The following MCC variants were observed in gnomAD, a reference collection of about 807,000 sequenced individuals.
MCC encodes MCC regulator of Wnt signaling pathway, also known as colorectal mutant cancer protein.
A neutral mutation model predicts 116.2 loss-of-function variants in MCC; 90 were observed. The ratio of observed to expected loss-of-function variants is 0.77; its 90% CI spans 0.65 to 0.92. The LOEUF is 0.92. MCC is among the 40% of genes least tolerant of loss of function. The pLI, the probability that MCC is intolerant of heterozygous loss-of-function variation, is 0.00. For missense variants in MCC, 1,516 were observed against 1,312.2 expected, an observed-to-expected ratio of 1.16 and a Z score of -2.40; for synonymous variants, 578 against 510.5, an observed-to-expected ratio of 1.13 and a Z score of -1.78.
intron 11 of MCC, among the ~76,000 whole-genome samples, chr5:113,071,817 G>A (rs1009799734): frequency 2.0e-5 from 3 of 152,144 alleles, no homozygotes; most frequent in Non-Finnish European, 2.9e-5. Flanking sequence ...ACTACAGAGA[G>A]AACCAAAGGA....
At position 113,087,101 on chromosome 5, in the gene MCC, C is replaced by T. The variant is rs139937347; in HGVS notation, c.1399-1791G>A. Among the ~76,000 whole-genome samples the T allele has an allele frequency of 4.2e-3, 635 of 152,314 alleles. 7 individuals carry two copies. Among genetic ancestry groups the T allele is most frequent in the African/African-American group, 0.014 (587 of 41,566 alleles). Reference sequence around the variant, plus strand: ...GCCGCCAAAAGTCTTCTAGACAGGGCAGAGAACAGGCAGGCACATGGCCCC... The same window carrying T: ...GCCGCCAAAAGTCTTCTAGACAGGGTAGAGAACAGGCAGGCACATGGCCCC... On this transcript the variant is annotated intron_variant, in intron 8 of 18. Coordinates refer to ENST00000408903, the MANE Select transcript of MCC (RefSeq NM_001085377.2).
chr5:113,324,121 C>T (rs1009480880), intron 3 of MCC, among the ~76,000 whole-genome samples: 2 of 152,052 alleles, frequency 1.3e-5, no homozygotes, highest in Non-Finnish European at 2.9e-5. Flanking sequence ...AACAAATGGA[C>T]AGGAGAGAGC....
chr5:113,202,559 G>A (rs977567601), intron 3 of MCC, among the ~76,000 whole-genome samples: 4 of 152,068 alleles, frequency 2.6e-5, no homozygotes, highest in Non-Finnish European at 5.9e-5. Flanking sequence ...CAGATACGCC[G>A]ACAGTGTATT....
intron 16 of MCC, among the ~76,000 whole-genome samples, chr5:113,044,953 A>C (rs1208081151): frequency 5.9e-5 from 9 of 152,184 alleles, no homozygotes; most frequent in Non-Finnish European, 1.3e-4. Context: ...TGGTCTCCCG[A>C]GGCAGTTCCT....
chr5:113,441,097 G>A (rs929368560), intron 1 of MCC, among the ~76,000 whole-genome samples: 2 of 152,210 alleles, frequency 1.3e-5, no homozygotes, highest in African/African-American at 4.8e-5. Flanking sequence ...CACTTTCGGA[G>A]GCTGAGGCGG....
chr5:113,030,310 G>A (rs1358538049), intron 17 of MCC, among the ~76,000 whole-genome samples: 1 of 152,060 alleles, frequency 6.6e-6, no homozygotes, highest in African/African-American at 2.4e-5. Flanking sequence ...CCTAATAAAG[G>A]GAGACAAGCA....
chr5:113,121,938 G>C (rs1322427112), intron 6 of MCC, among the ~76,000 whole-genome samples: 1 of 152,128 alleles, frequency 6.6e-6, no homozygotes, highest in Non-Finnish European at 1.5e-5. Flanking sequence ...ATCCAGGTAG[G>C]CAAGACCAGT....
rs180720894 is a variant in MCC at position 113,308,140 on chromosome 5, T to C, written c.627+32379A>G. ...GACGTGCACCACCATGCCTAGCTAA[T>C]TTTTTATATATATTGTAGAGACAAG... On this transcript the variant is annotated intron_variant, in intron 3 of 18. Transcript: ENST00000408903. Among the ~76,000 whole-genome samples, 813 of 152,260 alleles carry C rather than the reference T, an allele frequency of 5.3e-3. 5 individuals are homozygous for C. The highest frequency in any genetic ancestry group is 0.014 in the Middle Eastern group (4 of 294).
At chr5:113,460,783 T>A (rs1771721701) in intron 1 of MCC, among the ~76,000 whole-genome samples, 1 of 152,216 alleles carries the variant, frequency 6.6e-6, no homozygotes, top group Non-Finnish European at 1.5e-5. Context: ...GTGTGGCCCA[T>A]GGACCTGCAG....
At chr5:113,407,557 C>T (rs529673740) in intron 1 of MCC, among the ~76,000 whole-genome samples, 2 of 152,304 alleles carry the variant, frequency 1.3e-5, no homozygotes, top group African/African-American at 4.8e-5. Flanking sequence ...CTCACTCCAC[C>T]AAGCATCACC....
intron 3 of MCC, chr5:113,203,244 T>G (rs1329050393): frequency 3.3e-5 from 5 of 152,424 alleles, no homozygotes; most frequent in Non-Finnish European, 7.3e-5. Context: ...TACCTTGACA[T>G]GTGCTCTGGT....
chr5:113,028,667 T>G (rs1750744568), intron 18 of MCC, among the ~76,000 whole-genome samples: 1 of 152,222 alleles, frequency 6.6e-6, no homozygotes, highest in Admixed American at 6.5e-5. Flanking sequence ...AGATACATAA[T>G]ACCAGGAGGC....
At chr5:113,047,251 A>C (rs1396388500) in intron 16 of MCC, among the ~76,000 whole-genome samples, 1 of 152,206 alleles carries the variant, frequency 6.6e-6, no homozygotes, top group East Asian at 1.9e-4. Flanking sequence ...TCTCCTCCTA[A>C]GAATGTAAAT....
chr5:113,474,881 G>C (rs1429412862), intron 1 of MCC, among the ~76,000 whole-genome samples: 1 of 152,182 alleles, frequency 6.6e-6, no homozygotes, highest in Non-Finnish European at 1.5e-5. Context: ...GTCAGCTTAA[G>C]ACTACATCAC....
chr5:113,030,530 C>T (rs1389878668), intron 17 of MCC, among the ~76,000 whole-genome samples: 3 of 152,004 alleles, frequency 2.0e-5, no homozygotes, highest in Non-Finnish European at 2.9e-5. Flanking sequence ...AAATATAAAA[C>T]TTAGCCAGAT....
intron 1 of MCC, among the ~76,000 whole-genome samples, chr5:113,399,468 G>C (rs996766450): frequency 6.6e-6 from 1 of 152,088 alleles, no homozygotes; most frequent in African/African-American, 2.4e-5. Context: ...CTGGCCGACA[G>C]AGCAAGACTC....
At chr5:113,300,723 GA>G (rs939455494) in intron 3 of MCC, among the ~76,000 whole-genome samples, 1 of 152,088 alleles carries the variant, frequency 6.6e-6, no homozygotes, top group African/African-American at 2.4e-5. Flanking sequence ...TGTGACTCCA[GA>G]AATGCTCTCC....
chr5:113,150,676 A>C (rs561156092), intron 4 of MCC, among the ~76,000 whole-genome samples: 56 of 152,316 alleles, frequency 3.7e-4, no homozygotes, highest in African/African-American at 1.3e-3. Flanking sequence ...TATTTAAGAT[A>C]GTAACAGATA....
chr5:113,414,282 G>A (rs991915210), intron 1 of MCC, among the ~76,000 whole-genome samples: 2 of 152,140 alleles, frequency 1.3e-5, no homozygotes, highest in Non-Finnish European at 2.9e-5. Context: ...TGTCTATTAG[G>A]TCCACTTGGT....
Sources: gnomAD v4.1 joint callset for allele counts (sites outside exome capture counted in the v4.1 genomes callset) on GRCh38, gnomAD v4.1.1 for gene constraint, MANE v1.5 for transcripts, NCBI Gene and HGNC (gene_info 2026-07-23, HGNC 2026-07-21) for gene names.